UBAC2: variants seen among roughly 807,000 people sequenced by gnomAD.
UBAC2 encodes ubiquitin-associated domain-containing protein 2.
A neutral mutation model predicts 44.0 loss-of-function variants in UBAC2; 26 were observed. The observed-to-expected ratio is 0.59, with a 90% confidence interval of 0.43 to 0.82. The LOEUF (loss-of-function observed/expected upper bound fraction) is 0.82. UBAC2 is among the 40% of genes least tolerant of loss of function. UBAC2 has a pLI of 0.00. For synonymous variants in UBAC2, 155 were observed against 154.3 expected (o/e 1.00, Z -0.04); for missense variants, 329 against 419.4 (o/e 0.78, Z 1.88).
chr13:99,254,241 A>G (rs1214830358), intron 4 of UBAC2, among the ~76,000 whole-genome samples: 7 of 152,240 alleles, frequency 4.6e-5, no homozygotes, highest in Admixed American at 3.9e-4. Context: ...TATTGGATAG[A>G]AATAGCATCT....
At chr13:99,377,489 C>T (rs535304656) in intron 8 of UBAC2, 1 of 152,018 alleles carries the variant, frequency 6.6e-6, no homozygotes, top group African/African-American at 2.4e-5. Context: ...TGAAGTAGTC[C>T]AGGGTTTCAG....
chr13:99,248,078 G>A (rs527829583), intron 4 of UBAC2, among the ~76,000 whole-genome samples: 58 of 152,112 alleles, frequency 3.8e-4, no homozygotes, highest in Middle Eastern at 3.4e-3. Flanking sequence ...TAGTTACTGC[G>A]TGCAGCTCTT....
At chr13:99,236,751 G>GT (rs2043237819) in intron 1 of UBAC2, among the ~76,000 whole-genome samples, 1 of 152,170 alleles carries the variant, frequency 6.6e-6, no homozygotes, top group Non-Finnish European at 1.5e-5. Flanking sequence ...TTGGTAGGCT[G>GT]AGGCAGGAGA....
At chr13:99,365,774 A>C (rs192290037) in intron 7 of UBAC2, among the ~76,000 whole-genome samples, 4 of 152,284 alleles carry the variant, frequency 2.6e-5, no homozygotes, top group Admixed American at 2.6e-4. Context: ...TCAGAAATAA[A>C]CTTGTTATTT....
chr13:99,208,107 C>A (rs9557178), intron 1 of UBAC2, among the ~76,000 whole-genome samples: 24,934 of 151,116 alleles, frequency 0.16, 2,336 homozygotes, highest in Middle Eastern at 0.22. Flanking sequence ...GAGCAATTCT[C>A]CTGCCTCAGC....
rs376002841 is a variant in UBAC2 at position 99,323,004 on chromosome 13, G to T, written c.561+4935G>T. On this transcript the variant is annotated intron_variant, in intron 6 of 8. Transcript: ENST00000403766. ...TGAACAAATGGAAACAGCATAACCT[G>T]CTGTGGAAGCATAAGCATCTTTAGA... Among the ~76,000 whole-genome samples the T allele has an allele frequency of 1.2e-4, 19 of 152,242 alleles. 1 individual carries two copies. In the South Asian group the frequency reaches 3.7e-3, roughly 30 times the overall value.
chr13:99,229,644 A>G (rs2142705559), intron 1 of UBAC2, among the ~76,000 whole-genome samples: 1 of 152,362 alleles, frequency 6.6e-6, no homozygotes, highest in Non-Finnish European at 1.5e-5. Context: ...GTGATGCAGG[A>G]CCGTAAAAAT....
intron 7 of UBAC2, among the ~76,000 whole-genome samples, chr13:99,358,694 G>A: frequency 6.6e-6 from 1 of 152,170 alleles, no homozygotes; most frequent in East Asian, 1.9e-4. Context: ...CATGGACTGT[G>A]GTCTCACACG....
At chr13:99,379,085 G>T (rs182247679) in intron 8 of UBAC2, among the ~76,000 whole-genome samples, 24 of 152,332 alleles carry the variant, frequency 1.6e-4, no homozygotes, top group African/African-American at 5.8e-4. Flanking sequence ...AATCAGAAAA[G>T]ATATCCCTAG....
intron 7 of UBAC2, among the ~76,000 whole-genome samples, chr13:99,354,582 A>G (rs1315499365): frequency 6.6e-6 from 1 of 152,176 alleles, no homozygotes; most frequent in African/African-American, 2.4e-5. Flanking sequence ...GTTGGGCCCT[A>G]TGCAAATGGA....
At position 99,282,619 on chromosome 13, in the gene UBAC2, C is replaced by T. The variant is rs114187552; in HGVS notation, c.390-31478C>T. Among the ~76,000 whole-genome samples the T allele has an allele frequency of 6.4e-3, 971 of 152,252 alleles. 6 individuals are homozygous for T. The highest frequency in any genetic ancestry group is 0.023 in the African/African-American group (941 of 41,534). ...TTGGGCTAGAATGATGGAAGTTTAA[C>T]GCTGGTTAAGTGAGACTCAGGTAAC... On this transcript the variant is annotated intron_variant, in intron 4 of 8. Transcript: ENST00000403766.
chr13:99,362,442 C>G (rs1594171452), intron 7 of UBAC2, among the ~76,000 whole-genome samples: 1 of 152,212 alleles, frequency 6.6e-6, no homozygotes, highest in African/African-American at 2.4e-5. Flanking sequence ...ACATGTTGCT[C>G]TCCAAAAGGG....
chr13:99,242,912 G>A, intron 2 of UBAC2, among the ~76,000 whole-genome samples: 1 of 150,816 alleles, frequency 6.6e-6, no homozygotes, highest in South Asian at 2.1e-4. Context: ...CTCAGACGAT[G>A]GGCGGCCGGG....
chr13:99,299,460 ACG>A (rs2044225006), intron 4 of UBAC2, among the ~76,000 whole-genome samples: 2 of 146,622 alleles, frequency 1.4e-5, no homozygotes, highest in South Asian at 2.2e-4. Flanking sequence ...ACACACACAC[ACG>A]CACACACACA....
Position 99,309,781 on chromosome 13 carries a change from T to TTG in UBAC2, c.390-4303_390-4302dup, listed in dbSNP as rs1555328457. ...ACGCCCAGCTAATTTTTGTATTTTT[T>TTG]TGTGTGTGTGTGTGGAGACAAGGTC... On this transcript the variant is annotated intron_variant, in intron 4 of 8. Coordinates refer to ENST00000403766, the MANE Select transcript of UBAC2 (RefSeq NM_001144072.2). Among the ~76,000 whole-genome samples the TTG allele has an allele frequency of 6.3e-4, 95 of 151,866 alleles. 1 individual carries two copies. The highest frequency in any genetic ancestry group is 3.4e-3 in the Middle Eastern group (1 of 292).
intron 4 of UBAC2, among the ~76,000 whole-genome samples, chr13:99,302,938 T>C (rs1727079261): frequency 6.6e-6 from 1 of 152,232 alleles, no homozygotes; most frequent in African/African-American, 2.4e-5. Flanking sequence ...CCATGATTCA[T>C]TTTTTAGAAG....
At chr13:99,216,936 T>G (rs1317758056) in intron 1 of UBAC2, among the ~76,000 whole-genome samples, 1 of 151,982 alleles carries the variant, frequency 6.6e-6, no homozygotes, top group Non-Finnish European at 1.5e-5. Context: ...GTTCAAGTGA[T>G]TCTCCTGCCT....
chr13:99,264,682 C>T (rs150747480), intron 4 of UBAC2, among the ~76,000 whole-genome samples: 185 of 150,110 alleles, frequency 1.2e-3, no homozygotes, highest in African/African-American at 4.1e-3. Flanking sequence ...CATCCACTTC[C>T]GGCCTTGTGT....
At chr13:99,301,621 C>T (rs1410686314) in intron 4 of UBAC2, among the ~76,000 whole-genome samples, 2 of 151,902 alleles carry the variant, frequency 1.3e-5, no homozygotes, top group East Asian at 3.9e-4. Context: ...CATGAACTGA[C>T]AGGTTCTTTC....
Sources: allele counts gnomAD v4.1 joint callset (sites outside exome capture counted in the v4.1 genomes callset), GRCh38; gene constraint gnomAD v4.1.1; transcripts MANE v1.5; gene names NCBI Gene and HGNC (gene_info 2026-07-23, HGNC 2026-07-21).